Variants in CA1 observed in about 807,000 individuals in gnomAD.
The protein encoded by CA1 is carbonic anhydrase 1.
In CA1, 27 loss-of-function variants were observed where a neutral mutation model predicts 28.8. That is an observed-to-expected ratio of 0.94 (90% CI 0.69 to 1.29). CA1 has a LOEUF of 1.29. CA1 is among the 50% of genes most tolerant of loss of function. The pLI, the probability that CA1 is intolerant of heterozygous loss-of-function variation, is 0.00. For synonymous variants in CA1, 121 were observed against 108.8 expected (o/e 1.11, Z -0.70); for missense variants, 335 against 310.5 (o/e 1.08, Z -0.59).
chr8:85,359,632 G>A lies in CA1; in HGVS notation c.-24-17973C>T, dbSNP rs545577658. Among the ~76,000 whole-genome samples, 5 of 152,296 alleles carry A rather than the reference G, an allele frequency of 3.3e-5. No individual in the cohort carries two copies. The East Asian group carries it at 9.7e-4, about 29-fold the overall frequency. ...ATGGAAATGACGTGAGACAGGACAG[G>A]GCAGCTGGAGAAACAAAAGACCAAT... On this transcript the variant is annotated intron_variant, in intron 1 of 7. Transcript: ENST00000523022.
At chr8:85,329,618 C>G (rs1343587013) in intron 7 of CA1, 71 bp downstream of exon 7, 1 of 1,260,594 alleles carries the variant, frequency 7.9e-7, no homozygotes, top group Non-Finnish European at 1.1e-6. Context: ...AATAATCTCT[C>G]TCACTGATAC....
At position 85,328,539 on chromosome 8, in the gene CA1, A is replaced by C; in HGVS notation, c.*21T>G. 1 of 1,311,798 alleles carries C rather than the reference A, an allele frequency of 7.6e-7. No individual in the cohort carries two copies. Among genetic ancestry groups the C allele is most frequent in the Non-Finnish European group, 1.1e-6 (1 of 905,000 alleles). 81.3% of individuals were successfully genotyped at this position (1,311,798 alleles called of 1,614,324 possible). On this transcript the variant is annotated 3_prime_UTR_variant, in exon 8 of 8. Coordinates refer to ENST00000523022, the MANE Select transcript of CA1 (RefSeq NM_001128831.4). ...AGCAGGGCTGTGTTCTTGAGGAAGG[A>C]CAAGTTTCTTCTCAGAATCATCAAA...
chr8:85,341,787 G>T (rs2130223265), intron 1 of CA1, 128 bp from the exon 2 acceptor site: 1 of 632,478 alleles, frequency 1.6e-6, no homozygotes, highest in South Asian at 1.9e-5. Flanking sequence ...CATCATCTCT[G>T]CTTATCAGGA....
chr8:85,347,490 A>C (rs1809244631), intron 1 of CA1, among the ~76,000 whole-genome samples: 1 of 152,214 alleles, frequency 6.6e-6, no homozygotes, highest in Admixed American at 6.5e-5. Flanking sequence ...TTATAAACAA[A>C]CAGCCAGAAA....
intron 1 of CA1, among the ~76,000 whole-genome samples, chr8:85,356,363 A>G (rs1165087449): frequency 6.6e-6 from 1 of 152,158 alleles, no homozygotes; most frequent in African/African-American, 2.4e-5. Flanking sequence ...TGTCTCATGA[A>G]AAGATAGCAC....
intron 1 of CA1, among the ~76,000 whole-genome samples, chr8:85,344,644 T>C (rs1809104627): frequency 6.6e-6 from 1 of 152,056 alleles, no homozygotes. Flanking sequence ...TAAATTATGG[T>C]GAGTTTCAAA....
At chr8:85,334,296 C>T (rs781628225) in intron 4 of CA1, among the ~76,000 whole-genome samples, 3 of 152,152 alleles carry the variant, frequency 2.0e-5, no homozygotes, top group Non-Finnish European at 4.4e-5. Flanking sequence ...ATAAGTACAA[C>T]AACTATCATT....
At chr8:85,336,755 T>C (rs1380846976) in intron 4 of CA1, among the ~76,000 whole-genome samples, 190 bp downstream of exon 4, 1 of 152,152 alleles carries the variant, frequency 6.6e-6, no homozygotes, top group African/African-American at 2.4e-5. Context: ...GCTGCCTCTT[T>C]CCACATGAAA....
At chr8:85,361,892 A>G (rs1809810495) in intron 1 of CA1, among the ~76,000 whole-genome samples, 1 of 152,164 alleles carries the variant, frequency 6.6e-6, no homozygotes, top group African/African-American at 2.4e-5. Flanking sequence ...CTGGGCAGGC[A>G]ATCCACATCT....
chr8:85,362,774 T>C (rs1333895579), intron 1 of CA1, among the ~76,000 whole-genome samples: 3 of 152,214 alleles, frequency 2.0e-5, no homozygotes, highest in Admixed American at 2.0e-4. Context: ...CTGTAGTTGA[T>C]GTAGCAGAAA....
intron 1 of CA1, among the ~76,000 whole-genome samples, chr8:85,366,524 C>T (rs911341387): frequency 1.3e-5 from 2 of 152,090 alleles, no homozygotes; most frequent in Non-Finnish European, 2.9e-5. Flanking sequence ...AATATTCCTG[C>T]GGAAGCACGA....
At chr8:85,376,198 G>A (rs1005769987) in intron 1 of CA1, among the ~76,000 whole-genome samples, 5 of 152,078 alleles carry the variant, frequency 3.3e-5, no homozygotes, top group African/African-American at 9.7e-5. Context: ...GGGTGTGGTA[G>A]CGCATACTTG....
intron 1 of CA1, among the ~76,000 whole-genome samples, chr8:85,352,417 CT>C (rs1274365619): frequency 6.6e-6 from 1 of 152,180 alleles, no homozygotes; most frequent in Non-Finnish European, 1.5e-5. Context: ...GTGAACCTGT[CT>C]TTTCTGGAAG....
At chr8:85,328,771 T>C (rs2130108249) in intron 7 of CA1, 95 bp from the exon 8 acceptor site, 1 of 714,500 alleles carries the variant, frequency 1.4e-6, no homozygotes, top group East Asian at 2.8e-5. Context: ...TTTAGAAAAC[T>C]GAGTTAGAAA....
intron 1 of CA1, among the ~76,000 whole-genome samples, chr8:85,370,958 A>C (rs935534707): frequency 6.6e-6 from 1 of 152,206 alleles, no homozygotes; most frequent in African/African-American, 2.4e-5. Context: ...TGATGTCATA[A>C]TTCTTCTATC....
chr8:85,355,532 G>A (rs993642893), intron 1 of CA1, among the ~76,000 whole-genome samples: 7 of 146,372 alleles, frequency 4.8e-5, no homozygotes, highest in East Asian at 4.0e-4. Context: ...ACAGGTGCAC[G>A]CCACTATGTC....
At chr8:85,354,625 G>A (rs749717608) in intron 1 of CA1, among the ~76,000 whole-genome samples, 17 of 152,202 alleles carry the variant, frequency 1.1e-4, no homozygotes, top group Non-Finnish European at 2.2e-4. Context: ...TGAGACAACA[G>A]AGAAGAGAGA....
intron 1 of CA1, chr8:85,373,578 G>T (rs1810309431): frequency 6.6e-6 from 1 of 152,038 alleles, no homozygotes; most frequent in Admixed American, 6.6e-5. Context: ...AGTTATTGTT[G>T]TTAATCTCTT....
At chr8:85,352,847 A>AAAAT (rs1809464868) in intron 1 of CA1, among the ~76,000 whole-genome samples, 1 of 151,870 alleles carries the variant, frequency 6.6e-6, no homozygotes. Flanking sequence ...TGTATTTTTA[A>AAAAT]TAGAGATGGG....
Sources: allele counts gnomAD v4.1 joint callset (sites outside exome capture counted in the v4.1 genomes callset), GRCh38; gene constraint gnomAD v4.1.1; transcripts MANE v1.5; gene names NCBI Gene and HGNC (gene_info 2026-07-23, HGNC 2026-07-21).